GRIA4: variants seen among roughly 807,000 people sequenced by gnomAD.
The protein encoded by GRIA4 is glutamate receptor 4.
GRIA4 carries 34 observed loss-of-function variants against 104.0 expected under a neutral mutation model. The observed-to-expected ratio is 0.33, with a 90% CI of 0.25 to 0.44. GRIA4 has a LOEUF of 0.44. GRIA4 is among the 20% of genes least tolerant of loss of function. The pLI, the probability that GRIA4 is intolerant of heterozygous loss-of-function variation, is 1.00. For missense variants in GRIA4, 750 were observed against 1,096.5 expected (o/e 0.68, Z 4.46); for synonymous variants, 386 against 381.9 (o/e 1.01, Z -0.13).
At chr11:105,778,557 T>C (rs899142918) in intron 4 of GRIA4, among the ~76,000 whole-genome samples, 4 of 152,042 alleles carry the variant, frequency 2.6e-5, no homozygotes, top group African/African-American at 9.6e-5. Flanking sequence ...ATACGAAAAT[T>C]AGCCGGGTGT....
At chr11:105,914,361 C>T (rs1484007944) in intron 10 of GRIA4, among the ~76,000 whole-genome samples, 1 of 151,976 alleles carries the variant, frequency 6.6e-6, no homozygotes, top group Non-Finnish European at 1.5e-5. Flanking sequence ...TTGGTTAACA[C>T]TGATCTCATT....
chr11:105,911,748 G>T, intron 10 of GRIA4: 1 of 147,960 alleles, frequency 6.8e-6, no homozygotes. Flanking sequence ...ACTTAATTGT[G>T]TAATATTTGC....
chr11:105,963,451 C>G (rs1948789953), intron 14 of GRIA4, among the ~76,000 whole-genome samples: 1 of 152,066 alleles, frequency 6.6e-6, no homozygotes, highest in Non-Finnish European at 1.5e-5. Context: ...GCACGGAAAT[C>G]TTGAAATACT....
At chr11:105,689,628 T>G (rs1565466179) in intron 3 of GRIA4, among the ~76,000 whole-genome samples, 1 of 152,204 alleles carries the variant, frequency 6.6e-6, no homozygotes, top group Non-Finnish European at 1.5e-5. Flanking sequence ...GAGAATTAAA[T>G]GATGATAGAT....
chr11:105,790,743 T>A (rs1270606925), intron 4 of GRIA4, among the ~76,000 whole-genome samples: 1 of 152,148 alleles, frequency 6.6e-6, no homozygotes, highest in Non-Finnish European at 1.5e-5. Flanking sequence ...ACACTTTAAA[T>A]GTAATGATTT....
intron 3 of GRIA4, among the ~76,000 whole-genome samples, chr11:105,695,953 C>A (rs1012784669): frequency 6.6e-6 from 1 of 152,108 alleles, no homozygotes; most frequent in African/African-American, 2.4e-5. Context: ...TGTAAAAGGT[C>A]CTCATCCTCT....
At chr11:105,643,172 T>C (rs1410995632) in intron 3 of GRIA4, among the ~76,000 whole-genome samples, 1 of 152,166 alleles carries the variant, frequency 6.6e-6, no homozygotes, top group Non-Finnish European at 1.5e-5. Context: ...AGATGAGATT[T>C]GAATGGGGAC....
chr11:105,660,812 T>A lies in GRIA4; in HGVS notation c.247+48378T>A, dbSNP rs146731877. The stretch of plus-strand genomic sequence containing the variant: ...ATATATCTATATCTCCATATATAGA[T>A]ACAATTGCAGTCATTTGATACTATT... On this transcript the variant is annotated intron_variant, in intron 3 of 16. Transcript: ENST00000282499. Among the ~76,000 whole-genome samples, 1,187 of 151,734 alleles carry A rather than the reference T, an allele frequency of 7.8e-3. 18 individuals are homozygous for A. Among genetic ancestry groups the A allele is most frequent in the East Asian group, 0.046 (238 of 5,158 alleles).
At chr11:105,633,792 C>CATAATGACATAAATGA (rs1358675512) in intron 3 of GRIA4, among the ~76,000 whole-genome samples, 24 of 152,114 alleles carry the variant, frequency 1.6e-4, no homozygotes, top group Admixed American at 1.6e-3. Flanking sequence ...TAAATGACAA[C>CATAATGACATAAATGA]CAGTTTACTA....
chr11:105,616,599 G>A (rs569089877), intron 3 of GRIA4, among the ~76,000 whole-genome samples: 151 of 151,398 alleles, frequency 1.0e-3, no homozygotes, highest in African/African-American at 3.4e-3. Context: ...ATTTTTGCAC[G>A]TTTTCTTTTC....
At chr11:105,974,485 A>G (rs1858869357) in intron 16 of GRIA4, 41 bp downstream of exon 16, 1 of 1,613,706 alleles carries the variant, frequency 6.2e-7, no homozygotes, top group African/African-American at 1.3e-5. Context: ...ACTTCCTCGC[A>G]GAATACCCAG....
intron 3 of GRIA4, among the ~76,000 whole-genome samples, chr11:105,634,023 A>T (rs1270229884): frequency 6.6e-6 from 1 of 152,116 alleles, no homozygotes; most frequent in Non-Finnish European, 1.5e-5. Context: ...AGACAATAGT[A>T]GTAACCAAAA....
intron 10 of GRIA4, 133 bp downstream of exon 10, chr11:105,910,678 T>A (rs564866920): frequency 1.7e-6 from 1 of 585,188 alleles, no homozygotes; most frequent in African/African-American, 1.9e-5. Flanking sequence ...CACAAAATCC[T>A]ATTGAGGCTT....
intron 4 of GRIA4, among the ~76,000 whole-genome samples, chr11:105,786,742 A>T (rs1591255855): frequency 6.6e-6 from 1 of 152,080 alleles, no homozygotes; most frequent in African/African-American, 2.4e-5. Flanking sequence ...TTTTGCTATT[A>T]CTCTGCAGGA....
At chr11:105,851,931 C>T (rs1944824619) in intron 4 of GRIA4, among the ~76,000 whole-genome samples, 1 of 152,186 alleles carries the variant, frequency 6.6e-6, no homozygotes, top group African/African-American at 2.4e-5. Flanking sequence ...AAAGCACATC[C>T]TACTGTTCCA....
At chr11:105,677,231 G>A (rs2135454962) in intron 3 of GRIA4, among the ~76,000 whole-genome samples, 1 of 151,898 alleles carries the variant, frequency 6.6e-6, no homozygotes, top group African/African-American at 2.4e-5. Flanking sequence ...GACAAAGTAC[G>A]TTTGCACAAT....
chr11:105,954,453 TA>T (rs1948533266), intron 14 of GRIA4, among the ~76,000 whole-genome samples: 1 of 152,164 alleles, frequency 6.6e-6, no homozygotes, highest in Non-Finnish European at 1.5e-5. Context: ...TGTGGGGGCA[TA>T]AAGAACAAAT....
intron 3 of GRIA4, among the ~76,000 whole-genome samples, chr11:105,671,012 C>T (rs2135437344): frequency 6.6e-6 from 1 of 152,206 alleles, no homozygotes; most frequent in Admixed American, 6.6e-5. Flanking sequence ...GACAACATTG[C>T]ATCTCTCTCT....
At chr11:105,633,314 A>G (rs1402584758) in intron 3 of GRIA4, among the ~76,000 whole-genome samples, 1 of 152,144 alleles carries the variant, frequency 6.6e-6, no homozygotes, top group Non-Finnish European at 1.5e-5. Flanking sequence ...CTACATATTT[A>G]TTTTTTGTCA....
Sources: allele counts gnomAD v4.1 joint callset (sites outside exome capture counted in the v4.1 genomes callset), GRCh38; gene constraint gnomAD v4.1.1; transcripts MANE v1.5; gene names NCBI Gene and HGNC (gene_info 2026-07-23, HGNC 2026-07-21).